The following CSMD1 variants were observed in gnomAD, a reference collection of about 807,000 sequenced individuals.
The protein encoded by CSMD1 is CUB and sushi domain-containing protein 1.
A neutral mutation model predicts 417.5 loss-of-function variants in CSMD1; 213 were observed. The observed-to-expected ratio is 0.51, with a 90% CI of 0.46 to 0.57. CSMD1 has a LOEUF of 0.57. Among genes scored for constraint, CSMD1 ranks in the 20% least tolerant of loss-of-function variants. CSMD1 has a pLI of 0.00. For synonymous variants in CSMD1, 2,862 were observed against 1,736.8 expected (o/e 1.65, Z -16.11); for missense variants, 6,923 against 4,529.7 (o/e 1.53, Z -15.17).
chr8:4,811,387 G>GT (rs372097196), intron 1 of CSMD1, among the ~76,000 whole-genome samples: 3,406 of 151,832 alleles, frequency 0.022, 58 homozygotes, highest in Non-Finnish European at 0.03. Context: ...ATTAAAATTA[G>GT]TTTTTTTTAA....
intron 32 of CSMD1, among the ~76,000 whole-genome samples, chr8:3,201,203 G>A (rs747884506): frequency 6.6e-6 from 1 of 152,140 alleles, no homozygotes; most frequent in Non-Finnish European, 1.5e-5. Context: ...TACATGTGTG[G>A]CTATTAATGG....
intron 6 of CSMD1, among the ~76,000 whole-genome samples, chr8:3,747,611 G>C (rs905550742): frequency 1.3e-5 from 2 of 151,904 alleles, no homozygotes; most frequent in Non-Finnish European, 2.9e-5. Context: ...TGAACATTTA[G>C]GTGATTCTCA....
At chr8:3,944,663 A>G (rs1417612488) in intron 5 of CSMD1, among the ~76,000 whole-genome samples, 2 of 152,130 alleles carry the variant, frequency 1.3e-5, no homozygotes, top group African/African-American at 2.4e-5. Flanking sequence ...ATTTTTGGGG[A>G]ATGGTGGGAA....
At chr8:4,413,586 CTTA>C (rs994242965) in intron 3 of CSMD1, among the ~76,000 whole-genome samples, 1 of 151,888 alleles carries the variant, frequency 6.6e-6, no homozygotes, top group African/African-American at 2.4e-5. Context: ...AGCAAGAACG[CTTA>C]TTATGAGATC....
intron 1 of CSMD1, among the ~76,000 whole-genome samples, chr8:4,724,563 T>C (rs1325380219): frequency 2.1e-5 from 3 of 143,740 alleles, no homozygotes; most frequent in East Asian, 3.9e-4. Context: ...TGTGTGTGTG[T>C]TTATACTCCC....
intron 52 of CSMD1, among the ~76,000 whole-genome samples, chr8:3,017,806 T>TAAAAAA (rs777717027): frequency 1.3e-5 from 1 of 76,480 alleles, no homozygotes; most frequent in Non-Finnish European, 2.5e-5. Context: ...TTGAGTGATT[T>TAAAAAA]AAAAAAAAAA....
rs79805352 is a variant in CSMD1 at position 4,244,180 on chromosome 8, A to G, written c.415+175773T>C. 7.9e-3 allele frequency among the ~76,000 whole-genome samples: 1,210 copies of G among 152,274 alleles called. 41 individuals carry two copies. In the East Asian group the frequency reaches 0.11, roughly 14 times the overall value. On this transcript the variant is annotated intron_variant, in intron 3 of 69. Coordinates refer to ENST00000635120, the MANE Select transcript of CSMD1 (RefSeq NM_033225.6). ...AGGCAGCTCTGCAAGTTTCTGGTAG[A>G]ACCGTTTAGGCTTAGCTGAGCTAGA...
intron 5 of CSMD1, among the ~76,000 whole-genome samples, chr8:3,968,158 G>A (rs985516437): frequency 4.6e-5 from 7 of 151,504 alleles, no homozygotes; most frequent in African/African-American, 1.7e-4. Flanking sequence ...CTGCACTCCA[G>A]CCTGGGTGAC....
chr8:3,132,834 G>C (rs1817866792), intron 41 of CSMD1, among the ~76,000 whole-genome samples: 1 of 152,130 alleles, frequency 6.6e-6, no homozygotes, highest in South Asian at 2.1e-4. Context: ...AGCTACACAA[G>C]CTCCAACTTC....
chr8:4,255,557 T>G (rs1048557230), intron 3 of CSMD1, among the ~76,000 whole-genome samples: 2 of 151,124 alleles, frequency 1.3e-5, no homozygotes, highest in Non-Finnish European at 2.9e-5. Flanking sequence ...TTTTATCTTC[T>G]AGATAGAATT....
chr8:4,345,188 T>C (rs1476392835), intron 3 of CSMD1, among the ~76,000 whole-genome samples: 1 of 152,142 alleles, frequency 6.6e-6, no homozygotes, highest in Non-Finnish European at 1.5e-5. Context: ...ATGCAAGACA[T>C]CGCATTGATG....
At chr8:4,845,091 A>C (rs9644377) in intron 1 of CSMD1, among the ~76,000 whole-genome samples, 1 of 151,790 alleles carries the variant, frequency 6.6e-6, no homozygotes, top group Non-Finnish European at 1.5e-5. Flanking sequence ...TCTTTATTAC[A>C]TATCTGTGTT....
chr8:4,294,180 C>T (rs1040547666), intron 3 of CSMD1, among the ~76,000 whole-genome samples: 2 of 152,142 alleles, frequency 1.3e-5, no homozygotes, highest in African/African-American at 4.8e-5. Context: ...CCATCAGCAG[C>T]AACTACACCC....
intron 25 of CSMD1, among the ~76,000 whole-genome samples, chr8:3,305,863 G>C (rs1239735128): frequency 6.6e-6 from 1 of 151,994 alleles, no homozygotes; most frequent in Admixed American, 6.6e-5. Context: ...TGTATTTTTA[G>C]TAGAGAAGGG....
chr8:4,036,985 G>A (rs868622088), intron 3 of CSMD1, among the ~76,000 whole-genome samples: 35 of 151,770 alleles, frequency 2.3e-4, no homozygotes, highest in Non-Finnish European at 4.0e-4. Context: ...GTGTGTGTGT[G>A]TGTGTGTGTG....
chr8:3,372,968 CT>C (rs199859207), intron 18 of CSMD1, among the ~76,000 whole-genome samples: 2 of 152,132 alleles, frequency 1.3e-5, no homozygotes, highest in East Asian at 3.9e-4. Flanking sequence ...TAACTTTTCA[CT>C]GGTCTATGAT....
chr8:3,921,869 T>G (rs1203582693), intron 5 of CSMD1, among the ~76,000 whole-genome samples: 14 of 152,164 alleles, frequency 9.2e-5, no homozygotes, highest in Admixed American at 9.2e-4. Context: ...TGCTGTGGTC[T>G]GGAAGGTTCT....
intron 26 of CSMD1, among the ~76,000 whole-genome samples, chr8:3,255,273 G>T (rs1371927627): frequency 1.3e-5 from 2 of 152,018 alleles, no homozygotes; most frequent in African/African-American, 4.8e-5. Flanking sequence ...GTGTCAGTCT[G>T]CCCCTACTGG....
intron 5 of CSMD1, among the ~76,000 whole-genome samples, chr8:3,780,494 C>G (rs1381225284): frequency 2.0e-5 from 3 of 152,182 alleles, no homozygotes; most frequent in Non-Finnish European, 4.4e-5. Context: ...GTATCAGTAA[C>G]CATTCCATCA....
Sources: gnomAD v4.1 joint callset for allele counts (sites outside exome capture counted in the v4.1 genomes callset) on GRCh38, gnomAD v4.1.1 for gene constraint, MANE v1.5 for transcripts, NCBI Gene and HGNC (gene_info 2026-07-23, HGNC 2026-07-21) for gene names.